The following SHOC2 variants were observed in gnomAD, a reference collection of about 807,000 sequenced individuals.
SHOC2 encodes SHOC2 leucine rich repeat scaffold protein, also known as leucine-rich repeat protein SHOC-2.
A neutral mutation model predicts 50.2 loss-of-function variants in SHOC2; 4 were observed. The ratio of observed to expected loss-of-function variants is 0.08; its 90% CI spans 0.04 to 0.18. The LOEUF (loss-of-function observed/expected upper bound fraction) is 0.18. Ranked by LOEUF, SHOC2 falls within the 10% of genes least tolerant of loss-of-function variation. SHOC2 has a pLI of 1.00. For missense variants in SHOC2, 388 were observed against 669.6 expected (o/e 0.58, Z 4.64); for synonymous variants, 218 against 244.5 (o/e 0.89, Z 1.01).
Position 110,979,488 on chromosome 10 carries a change from A to T in SHOC2, c.704-6140A>T, listed in dbSNP as rs115906155. On this transcript the variant is annotated intron_variant, in intron 2 of 8. Transcript: ENST00000369452. ...TCATGAGGCAGGGCCATTGGGGGTTATCTTAGAAGTCTGCCTATTACAGTT... is the reference window on the plus strand; with the variant it reads ...TCATGAGGCAGGGCCATTGGGGGTTTTCTTAGAAGTCTGCCTATTACAGTT... Among the ~76,000 whole-genome samples, 736 of 152,320 alleles carry T rather than the reference A, an allele frequency of 4.8e-3. 6 individuals are homozygous for T. Among genetic ancestry groups the T allele is most frequent in the African/African-American group, 0.017 (695 of 41,572 alleles).
intron 4 of SHOC2, among the ~76,000 whole-genome samples, chr10:111,003,086 C>T (rs1564728866): frequency 6.6e-6 from 1 of 152,150 alleles, no homozygotes; most frequent in African/African-American, 2.4e-5. Flanking sequence ...CAACAATACA[C>T]AAATTTTAAG....
chr10:111,006,578 G>A (rs901152456), intron 5 of SHOC2, among the ~76,000 whole-genome samples: 1 of 152,086 alleles, frequency 6.6e-6, no homozygotes, highest in Admixed American at 6.6e-5. Context: ...CACCGTTTTA[G>A]CCGGGATGGT....
intron 1 of SHOC2, among the ~76,000 whole-genome samples, chr10:110,938,645 C>T (rs887585305): frequency 5.9e-5 from 9 of 152,016 alleles, no homozygotes; most frequent in South Asian, 4.1e-4. Context: ...ATGTACTTTG[C>T]GAAGAACGTA....
intron 3 of SHOC2, among the ~76,000 whole-genome samples, chr10:110,999,501 G>A (rs1345539094): frequency 2.6e-5 from 4 of 151,958 alleles, no homozygotes; most frequent in Non-Finnish European, 5.9e-5. Context: ...ACTTTGGGAG[G>A]CCAAGGCAGC....
chr10:110,931,878 A>G (rs557240893), intron 1 of SHOC2, among the ~76,000 whole-genome samples: 1 of 152,256 alleles, frequency 6.6e-6, no homozygotes, highest in South Asian at 2.1e-4. Flanking sequence ...AACTGTGAAA[A>G]AGGCAGAAGG....
chr10:110,928,870 G>A (rs1190938791), intron 1 of SHOC2, among the ~76,000 whole-genome samples: 2 of 152,158 alleles, frequency 1.3e-5, no homozygotes, highest in Non-Finnish European at 2.9e-5. Flanking sequence ...ACTCCAGCCT[G>A]GGGAACACAT....
chr10:111,001,221 G>T (rs568165094), intron 4 of SHOC2, among the ~76,000 whole-genome samples: 2 of 148,910 alleles, frequency 1.3e-5, no homozygotes. Context: ...GCAATGGCGC[G>T]ATCTTGGCTC....
At chr10:110,928,470 T>C (rs1846821193) in intron 1 of SHOC2, among the ~76,000 whole-genome samples, 1 of 152,258 alleles carries the variant, frequency 6.6e-6, no homozygotes. Flanking sequence ...AACATACTTT[T>C]ACTAGCTTAT....
chr10:110,927,725 G>T (rs1451988889), intron 1 of SHOC2, among the ~76,000 whole-genome samples: 2 of 152,130 alleles, frequency 1.3e-5, no homozygotes, highest in Admixed American at 6.5e-5. Context: ...TATTGAAACC[G>T]CAAAATGATG....
At chr10:110,932,689 A>G (rs117320023) in intron 1 of SHOC2, among the ~76,000 whole-genome samples, 1,891 of 152,236 alleles carry the variant, frequency 0.012, 12 homozygotes, top group Non-Finnish European at 0.019. Context: ...CCTAACCTCC[A>G]AGGCTAATTC....
chr10:110,931,985 A>C (rs1846904614), intron 1 of SHOC2, among the ~76,000 whole-genome samples: 1 of 152,138 alleles, frequency 6.6e-6, no homozygotes, highest in African/African-American at 2.4e-5. Flanking sequence ...GGGAAGTTTT[A>C]AGTGGGAACA....
chr10:110,930,611 T>A lies in SHOC2; in HGVS notation c.-235+10954T>A, dbSNP rs564084884. On this transcript the variant is annotated intron_variant, in intron 1 of 8. Coordinates refer to ENST00000369452, the MANE Select transcript of SHOC2 (RefSeq NM_007373.4). ...ACTGGTAATTAAATAGCCTTTTTTT[T>A]AAAATTGCCAGTTTGCATGGGAAAT... 4.1e-3 allele frequency among the ~76,000 whole-genome samples: 625 copies of A among 152,236 alleles called. 26 individuals are homozygous for A. In the South Asian group the frequency reaches 0.092, roughly 23 times the overall value.
intron 3 of SHOC2, among the ~76,000 whole-genome samples, chr10:110,987,811 C>G (rs1417205880): frequency 2.0e-5 from 3 of 151,910 alleles, no homozygotes; most frequent in African/African-American, 7.3e-5. Flanking sequence ...GAATAAAATA[C>G]AATTCTTAGA....
intron 1 of SHOC2, among the ~76,000 whole-genome samples, chr10:110,938,009 A>T (rs1005549889): frequency 1.3e-5 from 2 of 152,208 alleles, no homozygotes. Flanking sequence ...TTTCATGTAC[A>T]AAGTTCTGCT....
chr10:110,921,752 A>G (rs865938035), intron 1 of SHOC2, among the ~76,000 whole-genome samples: 2 of 152,202 alleles, frequency 1.3e-5, no homozygotes, highest in Non-Finnish European at 2.9e-5. Context: ...CTGTTGTGCT[A>G]TGAAATACTG....
intron 1 of SHOC2, among the ~76,000 whole-genome samples, chr10:110,962,612 C>G (rs1325756852): frequency 6.6e-6 from 1 of 152,154 alleles, no homozygotes; most frequent in Non-Finnish European, 1.5e-5. Context: ...TATTCATCCT[C>G]TACCCCAGTT....
chr10:110,962,548 G>A (rs1336324177), intron 1 of SHOC2, among the ~76,000 whole-genome samples: 3 of 151,874 alleles, frequency 2.0e-5, no homozygotes, highest in Non-Finnish European at 4.4e-5. Flanking sequence ...TTGTTTAATT[G>A]TAGAATCTTA....
chr10:110,958,944 A>G (rs1847522112), intron 1 of SHOC2, among the ~76,000 whole-genome samples: 1 of 152,124 alleles, frequency 6.6e-6, no homozygotes, highest in Admixed American at 6.5e-5. Context: ...TTTATGCAAC[A>G]TTCTGTAACA....
chr10:110,939,092 C>T (rs1847087305), intron 1 of SHOC2, among the ~76,000 whole-genome samples: 1 of 152,028 alleles, frequency 6.6e-6, no homozygotes, highest in African/African-American at 2.4e-5. Context: ...ATCTTGTAGC[C>T]CTCCCGACTT....
Sources: gnomAD v4.1 joint callset for allele counts (sites outside exome capture counted in the v4.1 genomes callset) on GRCh38, gnomAD v4.1.1 for gene constraint, MANE v1.5 for transcripts, NCBI Gene and HGNC (gene_info 2026-07-23, HGNC 2026-07-21) for gene names.